The following CENPP variants were observed in gnomAD, a reference collection of about 807,000 sequenced individuals.
CENPP encodes the protein centromere protein P.
CENPP carries 24 observed loss-of-function variants against 35.6 expected under a neutral mutation model. That is an observed-to-expected ratio of 0.67 (90% confidence interval 0.49 to 0.95). The LOEUF is 0.95. Ranked by LOEUF, CENPP falls within the 40% of genes least tolerant of loss-of-function variation. CENPP has a pLI of 0.00. For missense variants in CENPP, 332 were observed against 345.3 expected, an observed-to-expected ratio of 0.96 and a Z score of 0.31; for synonymous variants, 120 against 125.5, an observed-to-expected ratio of 0.96 and a Z score of 0.29.
At chr9:92,340,008 G>T (rs1841060087) in intron 3 of CENPP, 1 of 153,756 alleles carries the variant, frequency 6.5e-6, no homozygotes, top group African/African-American at 2.4e-5. Context: ...CCCATGGCAG[G>T]TTGGTGGAAT....
chr9:92,514,219 C>T, intron 5 of CENPP, among the ~76,000 whole-genome samples: 1 of 150,926 alleles, frequency 6.6e-6, no homozygotes. Flanking sequence ...ACCTCAGCCT[C>T]CTGAGTAGCT....
chr9:92,510,946 T>C lies in CENPP; in HGVS notation c.565-100368T>C, dbSNP rs149561153. On this transcript the variant is annotated intron_variant, in intron 5 of 7. Transcript: ENST00000375587. ...AGGAAATGAGAATAGAAGAGACCAGTGATTTGTCTGAAGAGTGGGTGGAAG... is the reference window on the plus strand; with the variant it reads ...AGGAAATGAGAATAGAAGAGACCAGCGATTTGTCTGAAGAGTGGGTGGAAG... Among the ~76,000 whole-genome samples, 1,237 of 152,160 alleles carry C rather than the reference T, an allele frequency of 8.1e-3. 31 individuals carry two copies. The highest frequency in any genetic ancestry group is 0.028 in the African/African-American group (1,180 of 41,528).
chr9:92,479,796 A>G (rs1845847605), intron 5 of CENPP, among the ~76,000 whole-genome samples: 1 of 152,156 alleles, frequency 6.6e-6, no homozygotes, highest in Non-Finnish European at 1.5e-5. Context: ...TGAGGAATTC[A>G]TTATTTACAC....
At chr9:92,465,993 C>T (rs570057198) in intron 5 of CENPP, among the ~76,000 whole-genome samples, 1 of 151,962 alleles carries the variant, frequency 6.6e-6, no homozygotes, top group Non-Finnish European at 1.5e-5. Flanking sequence ...TCACCACACC[C>T]GGCTAATTTT....
At chr9:92,416,072 T>TATATATATATATATATATA (rs368634649) in intron 5 of CENPP, among the ~76,000 whole-genome samples, 144 of 125,282 alleles carry the variant, frequency 1.1e-3, no homozygotes, top group Middle Eastern at 4.2e-3. Flanking sequence ...ATATATATAT[T>TATATATATATATATATATA]TATTTATTTA....
intron 5 of CENPP, among the ~76,000 whole-genome samples, chr9:92,579,785 C>T (rs1326061761): frequency 3.1e-5 from 4 of 129,674 alleles, no homozygotes; most frequent in Non-Finnish European, 6.3e-5. Flanking sequence ...TAATTGAATA[C>T]CCTTTATTTC....
At chr9:92,541,027 C>T (rs571142787) in intron 5 of CENPP, among the ~76,000 whole-genome samples, 6 of 151,892 alleles carry the variant, frequency 4.0e-5, no homozygotes, top group African/African-American at 1.2e-4. Context: ...TTTGGGAGGC[C>T]GAGGTGGGCA....
chr9:92,401,936 C>T (rs1194088308), intron 5 of CENPP, among the ~76,000 whole-genome samples: 1 of 152,134 alleles, frequency 6.6e-6, no homozygotes, highest in Non-Finnish European at 1.5e-5. Context: ...TGCCCTTCAC[C>T]TTCATTCTCC....
At chr9:92,501,459 T>G (rs1023753413) in intron 5 of CENPP, among the ~76,000 whole-genome samples, 1 of 152,204 alleles carries the variant, frequency 6.6e-6, no homozygotes, top group Non-Finnish European at 1.5e-5. Context: ...CAAGGAAGTT[T>G]GGTTTGTTTT....
At chr9:92,505,475 G>A (rs1846944405) in intron 5 of CENPP, 1 of 1,361,684 alleles carries the variant, frequency 7.3e-7, no homozygotes, top group Non-Finnish European at 1.0e-6. Context: ...ATATTTTGTT[G>A]TAGTGTACCA....
intron 5 of CENPP, among the ~76,000 whole-genome samples, chr9:92,607,034 C>CT (rs1851101537): frequency 6.6e-6 from 1 of 152,118 alleles, no homozygotes; most frequent in Non-Finnish European, 1.5e-5. Context: ...ACCCAAAAGT[C>CT]TGTTAGTTGA....
At chr9:92,546,172 TA>T (rs1849439677) in intron 5 of CENPP, among the ~76,000 whole-genome samples, 1 of 152,184 alleles carries the variant, frequency 6.6e-6, no homozygotes, top group Non-Finnish European at 1.5e-5. Context: ...TCAGCGATTG[TA>T]AACGCACCAG....
At chr9:92,495,710 T>C (rs976659000) in intron 5 of CENPP, 2 of 900,882 alleles carry the variant, frequency 2.2e-6, no homozygotes, top group Non-Finnish European at 2.7e-6. Context: ...TACATAACCA[T>C]AATATGATTT....
In CENPP at chr9:92,527,979, T is replaced by C. The variant is rs185707936; in HGVS notation, c.565-83335T>C. On this transcript the variant is annotated intron_variant, in intron 5 of 7. Coordinates refer to ENST00000375587, the MANE Select transcript of CENPP (RefSeq NM_001012267.3). ...ACCAGAGTGGCTCCATGAAGTAGAA[T>C]GATACTCTAGGAAGCGACCATGATG... 4.5e-3 allele frequency: 691 copies of C among 153,876 alleles called. 7 individuals are homozygous for C. The highest frequency in any genetic ancestry group is 5.0e-3 in the Admixed American group (77 of 15,274). The allele number at this position is 153,876 out of a possible 1,614,324, so 9.5% of individuals were successfully genotyped here. A position where few individuals can be genotyped will look rare whatever the true frequency, so the allele number is the denominator to read the frequency against.
rs1845322217 is a variant in CENPP, at chr9:92,466,550, T to G, written c.564+86691T>G. On this transcript the variant is annotated intron_variant, in intron 5 of 7. Coordinates refer to ENST00000375587, the MANE Select transcript of CENPP (RefSeq NM_001012267.3). The stretch of plus-strand genomic sequence containing the variant: ...GCTTTTGGGTGAATCTTCGTTAGCT[T>G]GTTGTTGTTCAGGATCAGACCCTTG... 3 of 1,613,868 alleles carry G rather than the reference T, an allele frequency of 1.9e-6. No homozygotes were observed. In the East Asian group the frequency reaches 6.7e-5, roughly 36 times the overall value.
At chr9:92,495,468 A>G in intron 5 of CENPP, 1 of 984,932 alleles carries the variant, frequency 1.0e-6, no homozygotes, top group Non-Finnish European at 1.2e-6. Flanking sequence ...TTTTTCAAAA[A>G]TTTATACATT....
intron 4 of CENPP, among the ~76,000 whole-genome samples, chr9:92,361,947 A>T (rs1841764633): frequency 6.6e-6 from 1 of 151,942 alleles, no homozygotes; most frequent in Non-Finnish European, 1.5e-5. Context: ...TTTCTCCTTG[A>T]ACCTGGGGAG....
chr9:92,444,803 G>C (rs909902782), intron 5 of CENPP, among the ~76,000 whole-genome samples: 2 of 152,166 alleles, frequency 1.3e-5, no homozygotes, highest in African/African-American at 4.8e-5. Flanking sequence ...CATGTCAGCA[G>C]TGGCCTCTCT....
chr9:92,470,239 A>AT (rs1845462014), intron 5 of CENPP, among the ~76,000 whole-genome samples: 1 of 152,224 alleles, frequency 6.6e-6, no homozygotes, highest in Non-Finnish European at 1.5e-5. Flanking sequence ...TAAATAAGCC[A>AT]TACATGTATA....
Sources: allele counts gnomAD v4.1 joint callset (sites outside exome capture counted in the v4.1 genomes callset), GRCh38; gene constraint gnomAD v4.1.1; transcripts MANE v1.5; gene names NCBI Gene and HGNC (gene_info 2026-07-23, HGNC 2026-07-21).